The following SLC30A10 variants were observed in gnomAD, a reference collection of about 807,000 sequenced individuals.
SLC30A10 encodes solute carrier family 30 member 10, also known as calcium/manganese antiporter SLC30A10.
A neutral mutation model predicts 21.7 loss-of-function variants in SLC30A10; 8 were observed. The ratio of observed to expected loss-of-function variants is 0.37; its 90% CI spans 0.22 to 0.67. The LOEUF is 0.67. Ranked by LOEUF, SLC30A10 falls within the 30% of genes least tolerant of loss-of-function variation. SLC30A10 has a pLI of 0.58. For missense variants in SLC30A10, 521 were observed against 642.5 expected (o/e 0.81, Z 2.04); for synonymous variants, 272 against 279.4 (o/e 0.97, Z 0.26).
chr1:219,939,165 G>C (rs1050490594), intron 1 of SLC30A10, among the ~76,000 whole-genome samples: 3 of 152,114 alleles, frequency 2.0e-5, no homozygotes, highest in Non-Finnish European at 4.4e-5. Context: ...CTCTTAAAAG[G>C]GGGATGAATT....
In SLC30A10 at chr1:219,957,900, C is replaced by G. The variant is rs1333260459; in HGVS notation, n.80+668G>C. Among the ~76,000 whole-genome samples the G allele has an allele frequency of 2.6e-5, 4 of 152,134 alleles. No homozygotes were observed. In the South Asian group the frequency reaches 8.3e-4, roughly 32 times the overall value. On this transcript the variant is annotated intron_variant and non_coding_transcript_variant, in intron 1 of 8. Coordinates refer to the SLC30A10 transcript ENST00000484239. ...GACAGATAATCTAATAAGTTTGGTA[C>G]TCACACTTAAGTCTCTCCTAAAGAT...
intron 2 of SLC30A10, among the ~76,000 whole-genome samples, chr1:219,922,176 G>GTGTGTGTGTT (rs1558252071): frequency 5.5e-5 from 2 of 36,408 alleles, no homozygotes; most frequent in Non-Finnish European, 5.1e-5. Context: ...GTGTGTGTGT[G>GTGTGTGTGTT]TTTTTTTTTT....
upstream of SLC30A10, chr1:219,928,572 G>A (rs1571803525): frequency 2.1e-5 from 16 of 770,496 alleles, 1 homozygote; most frequent in East Asian, 5.1e-4. The surrounding 1 kb of genome is among the most constrained non-coding windows in gnomAD (Gnocchi z 6.3). Context: ...CGCCGGCCCT[G>A]CCCCACCGCT....
chr1:219,922,176 G>GTTTTTTTTT (rs869249213), intron 2 of SLC30A10, among the ~76,000 whole-genome samples: 20 of 36,436 alleles, frequency 5.5e-4, no homozygotes, highest in Non-Finnish European at 7.1e-4. Context: ...GTGTGTGTGT[G>GTTTTTTTTT]TTTTTTTTTT....
chr1:219,916,428 G>C (rs185848230), intron 3 of SLC30A10, among the ~76,000 whole-genome samples: 1 of 152,200 alleles, frequency 6.6e-6, no homozygotes, highest in African/African-American at 2.4e-5. Flanking sequence ...CAAGGAAATA[G>C]TTAAATCAAT....
chr1:219,929,175 C>A (rs576159761), upstream of SLC30A10, among the ~76,000 whole-genome samples: 62 of 152,226 alleles, frequency 4.1e-4, no homozygotes, highest in Non-Finnish European at 1.5e-4. Flanking sequence ...CCATTATAAA[C>A]GGTGCAGGAT....
At chr1:219,925,651 A>ATATATATATATATATATATATAT (rs1317554458) in intron 2 of SLC30A10, among the ~76,000 whole-genome samples, 4 of 48,284 alleles carry the variant, frequency 8.3e-5, no homozygotes, top group African/African-American at 4.7e-4. Flanking sequence ...ATATATATAT[A>ATATATATATATATATATATATAT]TTTTTTTTTT....
chr1:219,953,651 T>A (rs1230212125), intron 1 of SLC30A10, among the ~76,000 whole-genome samples: 1 of 150,676 alleles, frequency 6.6e-6, no homozygotes, highest in Non-Finnish European at 1.5e-5. Flanking sequence ...CCTTCAATTA[T>A]GCAGCTTCTC....
rs1659501093 is a variant in SLC30A10, at chr1:219,915,074, T to C, written c.*375A>G. On this transcript the variant is annotated 3_prime_UTR_variant, in exon 4 of 4. Transcript: ENST00000366926. ...AATGTATTTAAGCTATGATCTCACC[T>C]GAGCATTAGCTAGAAGTTCTAATCA... The C allele has an allele frequency of 5.1e-6, 1 of 196,204 alleles. No homozygotes were observed. Among genetic ancestry groups the C allele is most frequent in the Non-Finnish European group, 1.1e-5 (1 of 95,196 alleles). The allele number at this position is 196,204 out of a possible 1,614,324, so 12.2% of individuals were successfully genotyped here.
intron 1 of SLC30A10, among the ~76,000 whole-genome samples, chr1:219,952,948 A>G (rs903638357): frequency 5.3e-5 from 8 of 152,146 alleles, no homozygotes; most frequent in African/African-American, 1.4e-4. Context: ...CCTTCACGGG[A>G]CAACAAGAGA....
chr1:219,926,971 A>G, intron 2 of SLC30A10, 57 bp downstream of exon 2: 7 of 1,375,496 alleles, frequency 5.1e-6, no homozygotes, highest in Admixed American at 1.8e-5. Flanking sequence ...GAAATAAACA[A>G]CACAGTCCAT....
chr1:219,927,405 GAAC>G (rs992534598), intron 1 of SLC30A10, among the ~76,000 whole-genome samples: 2 of 152,044 alleles, frequency 1.3e-5, no homozygotes, highest in African/African-American at 4.8e-5. Flanking sequence ...GAGGGGGGGA[GAAC>G]AACAAAATTC....
chr1:219,956,098 T>C (rs1660345608), intron 1 of SLC30A10, among the ~76,000 whole-genome samples: 1 of 152,156 alleles, frequency 6.6e-6, no homozygotes, highest in South Asian at 2.1e-4. Flanking sequence ...ACTGCAGACA[T>C]AAATGCTAAC....
At chr1:219,925,663 T>A (rs1298058893) in intron 2 of SLC30A10, among the ~76,000 whole-genome samples, 9 of 69,200 alleles carry the variant, frequency 1.3e-4, no homozygotes, top group Non-Finnish European at 2.7e-4. Flanking sequence ...TTTTTTTTTT[T>A]TTTTTTTTTT....
chr1:219,911,449 G>GATAGA lies in SLC30A10; in HGVS notation c.*3999_*4000insTCTAT, dbSNP rs1659413956. On this transcript the variant is annotated 3_prime_UTR_variant, in exon 4 of 4. Transcript: ENST00000366926. The stretch of plus-strand genomic sequence containing the variant: ...CATCTCAACCCCATGAATCAATTGT[G>GATAGA]CTGATAACTATCCAGTCTCATTGGA... 2.6e-5 allele frequency among the ~76,000 whole-genome samples: 4 copies of GATAGA among 151,924 alleles called. No individual in the cohort carries two copies. The highest frequency in any genetic ancestry group is 9.7e-5 in the African/African-American group (4 of 41,368).
chr1:219,949,823 C>G (rs1400068401), intron 1 of SLC30A10, among the ~76,000 whole-genome samples: 1 of 151,738 alleles, frequency 6.6e-6, no homozygotes, highest in African/African-American at 2.4e-5. Flanking sequence ...TCATCAGAGA[C>G]AGTTGTACAC....
At position 219,912,256 on chromosome 1, in the gene SLC30A10, A is replaced by G. The variant is rs1489350432; in HGVS notation, c.*3193T>C. On this transcript the variant is annotated 3_prime_UTR_variant, in exon 4 of 4. Transcript: ENST00000366926. Reference sequence around the variant, plus strand: ...CAAATAATGTCTCCCTACTTTATTGACATTTTATCAAGAAGAGAGTAATTT... The same window carrying G: ...CAAATAATGTCTCCCTACTTTATTGGCATTTTATCAAGAAGAGAGTAATTT... Among the ~76,000 whole-genome samples the G allele has an allele frequency of 6.6e-6, 1 of 151,268 alleles. No individual in the cohort carries two copies. The highest frequency in any genetic ancestry group is 2.0e-4 in the East Asian group (1 of 5,126).
In SLC30A10 at chr1:219,912,265, CAAG is replaced by C. The variant is rs1289238513; in HGVS notation, c.*3181_*3183del. Among the ~76,000 whole-genome samples the C allele has an allele frequency of 6.8e-6, 1 of 146,168 alleles. No individual in the cohort carries two copies. Among genetic ancestry groups the C allele is most frequent in the East Asian group, 2.1e-4 (1 of 4,838 alleles). ...TCTCCCTACTTTATTGACATTTTAT[CAAG>C]AAGAGAGTAATTTTATTTTCTGTCA... On this transcript the variant is annotated 3_prime_UTR_variant, in exon 4 of 4. Transcript: ENST00000366926.
rs1008699408 is a variant in SLC30A10 at position 219,911,317 on chromosome 1, C to T, written c.*4132G>A. Among the ~76,000 whole-genome samples, 2 of 151,760 alleles carry T rather than the reference C, an allele frequency of 1.3e-5. No homozygotes were observed. The highest frequency in any genetic ancestry group is 2.9e-5 in the Non-Finnish European group (2 of 67,960). On this transcript the variant is annotated 3_prime_UTR_variant, in exon 4 of 4. Transcript: ENST00000366926. Reference sequence around the variant, plus strand: ...CCATAAATGATAAAGATTTTTTTAACATCTGAACTTGTCATTAGCACTAAG... The same window carrying T: ...CCATAAATGATAAAGATTTTTTTAATATCTGAACTTGTCATTAGCACTAAG...
Sources: allele counts gnomAD v4.1 joint callset (sites outside exome capture counted in the v4.1 genomes callset), GRCh38; gene constraint gnomAD v4.1.1; non-coding constraint Gnocchi (gnomAD v3.1); transcripts MANE v1.5; gene names NCBI Gene and HGNC (gene_info 2026-07-23, HGNC 2026-07-21).